The following ARRDC5 variants were observed in gnomAD, a reference collection of about 807,000 sequenced individuals.
ARRDC5 encodes arrestin domain containing 5.
Under a neutral mutation model 13.3 loss-of-function variants are expected in ARRDC5, and 12 were observed. The observed-to-expected ratio is 0.90, with a 90% CI of 0.58 to 1.46. The LOEUF (loss-of-function observed/expected upper bound fraction) is 1.46, where lower values mean the gene tolerates loss of function less well. Among genes scored for constraint, ARRDC5 ranks in the 40% most tolerant of loss-of-function variants. The pLI, the probability that ARRDC5 is intolerant of heterozygous loss-of-function variation, is 0.00. For missense variants in ARRDC5, 406 were observed against 418.7 expected (o/e 0.97, Z 0.26); for synonymous variants, 181 against 173.4 (o/e 1.04, Z -0.34).
intron 1 of ARRDC5, among the ~76,000 whole-genome samples, chr19:4,901,742 C>T (rs2031922885): frequency 1.3e-5 from 2 of 151,996 alleles, no homozygotes; most frequent in African/African-American, 4.8e-5. Flanking sequence ...TGGGAATATC[C>T]CCACAAACAC....
At chr19:4,897,357 T>C (rs2031770508) in intron 1 of ARRDC5, among the ~76,000 whole-genome samples, 1 of 152,042 alleles carries the variant, frequency 6.6e-6, no homozygotes, top group Non-Finnish European at 1.5e-5. Flanking sequence ...TAGGACCTGC[T>C]GGGCCTATAA....
At position 4,895,555 on chromosome 19, in the gene ARRDC5, C is replaced by T. The variant is rs2031683498; in HGVS notation, c.459+1116G>A. ...GGAGATGTGAAGTGACTTTGGCCAACGTCCCTCCTCCCACCTCGACTTCCG... is the reference window on the plus strand; with the variant it reads ...GGAGATGTGAAGTGACTTTGGCCAATGTCCCTCCTCCCACCTCGACTTCCG... On this transcript the variant is annotated intron_variant, in intron 2 of 2. Transcript: ENST00000650722. Among the ~76,000 whole-genome samples the T allele has an allele frequency of 2.6e-5, 4 of 151,966 alleles. 1 individual carries two copies. The highest frequency in any genetic ancestry group is 4.1e-4 in the South Asian group (2 of 4,834).
upstream of ARRDC5, among the ~76,000 whole-genome samples, chr19:4,904,554 C>T (rs1191508972): frequency 6.6e-6 from 1 of 151,916 alleles, no homozygotes. Context: ...ACCTCATGAT[C>T]CACCCGCCTC....
the ARRDC5 span, chr19:4,911,047 G>A: frequency 1.3e-6 from 2 of 1,572,114 alleles, no homozygotes; most frequent in Non-Finnish European, 1.7e-6. Context: ...AGGTACACCC[G>A]CCGCCAGCAC....
rs920758244 is a variant in ARRDC5, at chr19:4,890,615, A to G, written c.*431T>C. The G allele has an allele frequency of 4.7e-5, 9 of 191,726 alleles. No individual in the cohort carries two copies. The highest frequency in any genetic ancestry group is 8.7e-5 in the Non-Finnish European group (8 of 91,820). 11.9% of individuals were successfully genotyped at this position (191,726 alleles called of 1,614,324 possible). A position where few individuals can be genotyped will look rare whatever the true frequency, so the allele number is the denominator to read the frequency against. ...TTCCTGATTGTGGGGGCCGTCCTGG[A>G]CACTGCAGGGTGCTGAACAGCGTCC... On this transcript the variant is annotated 3_prime_UTR_variant, in exon 3 of 3. Transcript: ENST00000650722.
intron 1 of ARRDC5, among the ~76,000 whole-genome samples, chr19:4,899,980 AT>A (rs552194530): frequency 2.3e-4 from 31 of 137,476 alleles, no homozygotes; most frequent in African/African-American, 2.7e-4. Flanking sequence ...AACTAGCAAC[AT>A]TTTTTTTTTC....
chr19:4,891,469 T>A lies in ARRDC5; in HGVS notation c.564A>T (p.Gly188=), dbSNP rs185382652. Residue 188 remains glycine, a synonymous_variant, in exon 3 of 3, where the codon GGA becomes GGT. Coordinates refer to ENST00000650722, the MANE Select transcript of ARRDC5 (RefSeq NM_001080523.3). The part of the protein sequence containing the change: ...IQMERNTFTP[G]EKVVFTTEIN... ...TCTCTGTTGTGAAGACGACCTTCTC[T>A]CCTGGCGTGAAGGTGTTCCTTTCCA... is the stretch of plus-strand genomic sequence containing the variant. The A allele has an allele frequency of 2.3e-5, 37 of 1,613,824 alleles. No homozygotes were observed. The highest frequency in any genetic ancestry group is 5.0e-5 in the Admixed American group (3 of 59,978).
rs560879107 is a variant in ARRDC5, at chr19:4,899,524, C to A, written c.254-2648G>T. Among the ~76,000 whole-genome samples the A allele has an allele frequency of 1.8e-4, 27 of 151,810 alleles. No individual in the cohort carries two copies. The South Asian group carries it at 5.2e-3, about 29-fold the overall frequency. On this transcript the variant is annotated intron_variant, in intron 1 of 2. Transcript: ENST00000650722. ...GCATGCGCCTGTAATCCCAGCTATG[C>A]AGGAGGCTGGGGCAGGAGAATTGCT...
chr19:4,911,744 C>T, the ARRDC5 span, among the ~76,000 whole-genome samples: 3 of 152,130 alleles, frequency 2.0e-5, no homozygotes, highest in South Asian at 2.1e-4. Context: ...GGTGGAGGTG[C>T]TACTTTGGTT....
chr19:4,898,665 CT>C (rs71170878), intron 1 of ARRDC5, among the ~76,000 whole-genome samples: 34,251 of 130,530 alleles, frequency 0.26, 4,679 homozygotes, highest in East Asian at 0.56. Flanking sequence ...CGGGCTTGGC[CT>C]TTTTTTTTTT....
At chr19:4,891,950 G>A (rs1360239134) in intron 2 of ARRDC5, among the ~76,000 whole-genome samples, 19 of 61,160 alleles carry the variant, frequency 3.1e-4, no homozygotes, top group Middle Eastern at 7.1e-3. Context: ...GCAAAACTCC[G>A]TCTCAAAAAA....
chr19:4,891,171 G>C lies in ARRDC5; in HGVS notation c.862C>G (p.Pro288Ala), dbSNP rs781375501. Residue 288 changes from proline to alanine, a missense_variant, in exon 3 of 3, where the codon CCC becomes GCC. Physicochemically the swap from Pro to Ala is conservative, Grantham distance 27 (BLOSUM62 -1). Transcript: ENST00000650722. Reference protein sequence around the residue: ...RYELVTTVHLPWSLTSLKAKV... With the variant: ...RYELVTTVHLAWSLTSLKAKV... ...GCCTTGAGGCTGGTCAGGGACCAGGGCAGGTGCACGGTGGTGACCAGCTCG... is the reference window on the plus strand; with the variant it reads ...GCCTTGAGGCTGGTCAGGGACCAGGCCAGGTGCACGGTGGTGACCAGCTCG... 1.2e-6 allele frequency: 2 copies of C among 1,613,994 alleles called. No homozygotes were observed. The highest frequency in any genetic ancestry group is 4.5e-5 in the East Asian group (2 of 44,878).
the ARRDC5 span, among the ~76,000 whole-genome samples, chr19:4,916,478 T>C: frequency 6.6e-5 from 10 of 152,076 alleles, no homozygotes; most frequent in Non-Finnish European, 1.0e-4. Flanking sequence ...GCGACAGTGA[T>C]CGTGGTGTCT....
intron 2 of ARRDC5, among the ~76,000 whole-genome samples, chr19:4,893,679 C>A (rs1442991010): frequency 7.1e-6 from 1 of 141,480 alleles, no homozygotes; most frequent in East Asian, 2.1e-4. Flanking sequence ...ATCACTGGAG[C>A]CCAGAAGTTC....
chr19:4,912,908 C>T, the ARRDC5 span, among the ~76,000 whole-genome samples: 4 of 152,032 alleles, frequency 2.6e-5, no homozygotes, highest in Non-Finnish European at 5.9e-5. Flanking sequence ...TATAGGCATG[C>T]ACCACCATGC....
chr19:4,902,034 G>A (rs1324471070), intron 1 of ARRDC5, among the ~76,000 whole-genome samples: 6 of 152,092 alleles, frequency 3.9e-5, no homozygotes, highest in East Asian at 3.9e-4. Flanking sequence ...TTACAGGCAC[G>A]TGCCAGCACG....
At chr19:4,914,623 CGG>C in the ARRDC5 span, among the ~76,000 whole-genome samples, 17 of 149,492 alleles carry the variant, frequency 1.1e-4, no homozygotes, top group Admixed American at 1.1e-3. Flanking sequence ...GCCTAGGCAA[CGG>C]GAGAGGCATC....
the ARRDC5 span, chr19:4,910,286 G>C: frequency 6.6e-6 from 1 of 150,714 alleles, no homozygotes; most frequent in Non-Finnish European, 1.5e-5. Context: ...TGGCCGGGAC[G>C]GGGCGGCCGG....
In ARRDC5 at chr19:4,891,400, G is replaced by A. The variant is rs1221766900; in HGVS notation, c.633C>T (p.Ala211=). ...TSKCIKTVVF[A]LYAHIQYEGF... ...CCTCGTACTGTATGTGGGCATACAGGGCGAATACGACCGTCTTGATGCATT... is the reference window on the plus strand; with the variant it reads ...CCTCGTACTGTATGTGGGCATACAGAGCGAATACGACCGTCTTGATGCATT... Residue 211 remains alanine (A), a synonymous_variant, in exon 3 of 3, where the codon GCC becomes GCT. Transcript: ENST00000650722. The A allele has an allele frequency of 6.2e-7, 1 of 1,613,316 alleles. No homozygotes were observed. The highest frequency in any genetic ancestry group is 2.2e-5 in the East Asian group (1 of 44,878).
Sources: allele counts gnomAD v4.1 joint callset (sites outside exome capture counted in the v4.1 genomes callset), GRCh38; gene constraint gnomAD v4.1.1; transcripts MANE v1.5; gene names NCBI Gene and HGNC (gene_info 2026-07-23, HGNC 2026-07-21).